The following FER variants were observed in gnomAD, a reference collection of about 807,000 sequenced individuals.
The protein encoded by FER is FER tyrosine kinase.
In FER, 63 loss-of-function variants were observed where a neutral mutation model predicts 111.0. That is an observed-to-expected ratio of 0.57 (90% CI 0.46 to 0.70). The LOEUF (loss-of-function observed/expected upper bound fraction) is 0.70, where lower values mean the gene tolerates loss of function less well. FER is among the 30% of genes least tolerant of loss of function. The pLI is 0.00. For missense variants in FER, 914 were observed against 954.0 expected, an observed-to-expected ratio of 0.96 and a Z score of 0.55; for synonymous variants, 327 against 313.9, an observed-to-expected ratio of 1.04 and a Z score of -0.44.
intron 17 of FER, among the ~76,000 whole-genome samples, chr5:109,126,906 A>C (rs1166712249): frequency 6.6e-6 from 1 of 152,212 alleles, no homozygotes; most frequent in Non-Finnish European, 1.5e-5. Flanking sequence ...TTTGATGAGC[A>C]CTGAGGGAGT....
chr5:108,908,757 A>G (rs1393575196), intron 10 of FER, among the ~76,000 whole-genome samples: 1 of 151,736 alleles, frequency 6.6e-6, no homozygotes, highest in African/African-American at 2.4e-5. Flanking sequence ...TTTGAAGGCC[A>G]GGTGTGGTGG....
intron 9 of FER, among the ~76,000 whole-genome samples, chr5:108,885,198 GC>G (rs1193199494): frequency 6.6e-6 from 1 of 151,834 alleles, no homozygotes; most frequent in East Asian, 1.9e-4. Flanking sequence ...TACTTGACAT[GC>G]CTTTTTGAAT....
At chr5:108,877,888 A>G (rs1421347139) in intron 8 of FER, among the ~76,000 whole-genome samples, 1 of 152,110 alleles carries the variant, frequency 6.6e-6, no homozygotes, top group East Asian at 1.9e-4. Flanking sequence ...TTTATTATCC[A>G]TAGTAAAGGT....
At chr5:109,140,576 G>GA (rs1197899210) in intron 17 of FER, among the ~76,000 whole-genome samples, 1 of 151,906 alleles carries the variant, frequency 6.6e-6, no homozygotes, top group African/African-American at 2.4e-5. Context: ...AAGCAAGAAA[G>GA]AAAAAAAATT....
intron 9 of FER, among the ~76,000 whole-genome samples, chr5:108,896,513 C>T (rs1749121604): frequency 6.6e-6 from 1 of 152,106 alleles, no homozygotes; most frequent in Non-Finnish European, 1.5e-5. Flanking sequence ...AGGTCTCTCA[C>T]AAATGTTCTT....
At chr5:108,856,857 T>G (rs73780600) in intron 5 of FER, among the ~76,000 whole-genome samples, 3,230 of 152,220 alleles carry the variant, frequency 0.021, 107 homozygotes, top group African/African-American at 0.074. Flanking sequence ...TAAATTTTCT[T>G]TTCTGAACTA....
At chr5:109,126,223 C>CT (rs1193094606) in intron 17 of FER, among the ~76,000 whole-genome samples, 2 of 152,172 alleles carry the variant, frequency 1.3e-5, no homozygotes, top group African/African-American at 4.8e-5. Flanking sequence ...TTCCCCCTTC[C>CT]TTGCACCTGT....
chr5:108,805,350 T>G (rs2150063179), intron 3 of FER, among the ~76,000 whole-genome samples: 2 of 152,284 alleles, frequency 1.3e-5, no homozygotes, highest in South Asian at 4.1e-4. Flanking sequence ...TCTCTTTCTT[T>G]TGTAAATTGG....
intron 13 of FER, among the ~76,000 whole-genome samples, chr5:108,968,930 AG>A (rs1280454646): frequency 1.3e-5 from 2 of 152,296 alleles, no homozygotes; most frequent in African/African-American, 2.4e-5. Context: ...AATATATTAA[AG>A]TTGATTTGCC....
intron 16 of FER, among the ~76,000 whole-genome samples, chr5:109,059,629 G>A (rs982646023): frequency 8.5e-5 from 13 of 152,090 alleles, no homozygotes; most frequent in African/African-American, 2.4e-4. Flanking sequence ...AATGACAAAC[G>A]TACAGAGTTA....
chr5:108,833,279 AAG>A (rs1760239561), intron 4 of FER, among the ~76,000 whole-genome samples: 2 of 152,202 alleles, frequency 1.3e-5, no homozygotes, highest in African/African-American at 4.8e-5. Flanking sequence ...ATAAATAAAA[AAG>A]AAAATACAGG....
intron 17 of FER, among the ~76,000 whole-genome samples, chr5:109,145,180 C>T (rs1352814306): frequency 1.3e-5 from 2 of 151,970 alleles, no homozygotes; most frequent in Non-Finnish European, 2.9e-5. Context: ...GGTAAACTTT[C>T]TGATAGCTCC....
intron 17 of FER, among the ~76,000 whole-genome samples, chr5:109,168,957 T>G (rs1756824351): frequency 6.6e-6 from 1 of 152,222 alleles, no homozygotes; most frequent in South Asian, 2.1e-4. Context: ...CCTGGAGTCT[T>G]TCAGACACTT....
intron 10 of FER, among the ~76,000 whole-genome samples, chr5:108,942,453 AAT>A (rs1262176842): frequency 2.0e-5 from 3 of 152,168 alleles, no homozygotes; most frequent in Non-Finnish European, 4.4e-5. Context: ...TCTTTCTTTT[AAT>A]AAATATTCTT....
At chr5:109,025,497 C>T (rs1260946298) in intron 13 of FER, among the ~76,000 whole-genome samples, 5 of 151,942 alleles carry the variant, frequency 3.3e-5, no homozygotes, top group African/African-American at 7.3e-5. Context: ...CTGAAGTTGC[C>T]TATCAGCTTA....
intron 1 of FER, among the ~76,000 whole-genome samples, chr5:108,763,971 G>A (rs1198654794): frequency 2.0e-5 from 3 of 152,120 alleles, no homozygotes; most frequent in African/African-American, 7.2e-5. Context: ...TTCCTGATTA[G>A]CTTCTGCAAA....
At chr5:108,908,620 C>T (rs918374492) in intron 10 of FER, among the ~76,000 whole-genome samples, 2 of 151,494 alleles carry the variant, frequency 1.3e-5, no homozygotes, top group African/African-American at 4.9e-5. Context: ...TTTGTATTTG[C>T]TGAGGCAGGA....
intron 5 of FER, among the ~76,000 whole-genome samples, chr5:108,850,950 T>C (rs1762487650): frequency 6.6e-6 from 1 of 152,212 alleles, no homozygotes; most frequent in Non-Finnish European, 1.5e-5. Flanking sequence ...AGAACATGAA[T>C]TAAATTAAAC....
chr5:108,790,039 A>G (rs35746105), intron 2 of FER, among the ~76,000 whole-genome samples: 9,321 of 152,266 alleles, frequency 0.061, 324 homozygotes, highest in Non-Finnish European at 0.075. Context: ...AAAATGTAAA[A>G]TATTCGTTGG....
Sources: gnomAD v4.1 joint callset for allele counts (sites outside exome capture counted in the v4.1 genomes callset) on GRCh38, gnomAD v4.1.1 for gene constraint, MANE v1.5 for transcripts, NCBI Gene and HGNC (gene_info 2026-07-23, HGNC 2026-07-21) for gene names.